The following ABCF2 variants were observed in gnomAD, a reference collection of about 807,000 sequenced individuals.
ABCF2 encodes ATP-binding cassette sub-family F member 2.
A neutral mutation model predicts 76.9 loss-of-function variants in ABCF2; 37 were observed. That is an observed-to-expected ratio of 0.48 (90% CI 0.37 to 0.63). The LOEUF (loss-of-function observed/expected upper bound fraction) is 0.63. Ranked by LOEUF, ABCF2 falls within the 30% of genes least tolerant of loss-of-function variation. The pLI is 0.00. For missense variants in ABCF2, 524 were observed against 782.1 expected (o/e 0.67, Z 3.94); for synonymous variants, 299 against 283.7 (o/e 1.05, Z -0.54).
At chr7:151,223,347 TAGC>T in intron 5 of ABCF2, among the ~76,000 whole-genome samples, 1 of 152,188 alleles carries the variant, frequency 6.6e-6, no homozygotes, top group Non-Finnish European at 1.5e-5. Context: ...CAGCTGGAAT[TAGC>T]AGGACTAGAG....
Position 151,221,090 on chromosome 7 carries a change from T to C in ABCF2, c.921+488A>G, listed in dbSNP as rs1056341604. Among the ~76,000 whole-genome samples, 8 of 152,256 alleles carry C rather than the reference T, an allele frequency of 5.3e-5. No individual in the cohort carries two copies. The East Asian group carries it at 1.5e-3, about 29-fold the overall frequency. Reference sequence around the variant, plus strand: ...CTTGTGTGCACAGGCTGCCAATCCATGGCCTATGGCCTGAAAGCAATGACT... The same window carrying C: ...CTTGTGTGCACAGGCTGCCAATCCACGGCCTATGGCCTGAAAGCAATGACT... On this transcript the variant is annotated intron_variant, in intron 7 of 14. Transcript: ENST00000287844.
At chr7:151,223,883 G>C (rs750366047) in intron 4 of ABCF2, 34 bp from the exon 5 acceptor site, 1 of 1,605,460 alleles carries the variant, frequency 6.2e-7, no homozygotes, top group Non-Finnish European at 8.5e-7. Flanking sequence ...GGCTCCTGGG[G>C]GCCTTTCTGG....
intron 5 of ABCF2, among the ~76,000 whole-genome samples, chr7:151,223,431 C>G (rs1342712920): frequency 6.6e-6 from 1 of 152,216 alleles, no homozygotes; most frequent in East Asian, 1.9e-4. Context: ...TTACCTAGGA[C>G]TACCCCTAGG....
At chr7:151,221,220 G>A (rs13239231) in intron 7 of ABCF2, among the ~76,000 whole-genome samples, 1 of 132,138 alleles carries the variant, frequency 7.6e-6, no homozygotes, top group South Asian at 2.3e-4. Context: ...TTTTTTTTGA[G>A]ATGGAGTCTT....
Position 151,214,817 on chromosome 7 carries a change from T to C in ABCF2, c.1734+62A>G, listed in dbSNP as rs554585116. On this transcript the variant is annotated intron_variant, in intron 14 of 14. Transcript: ENST00000287844. This position sits in a 1 kb window ranked among gnomAD's most constrained non-coding sequence, Gnocchi z 4.9. Reference sequence around the variant, plus strand: ...GGTATTATGCACCCTCCACATGCCATGACTACCCTACCCAACCCCCTAGAA... The same window carrying C: ...GGTATTATGCACCCTCCACATGCCACGACTACCCTACCCAACCCCCTAGAA... 5 of 1,536,680 alleles carry C rather than the reference T, an allele frequency of 3.3e-6. No individual in the cohort carries two copies. Among genetic ancestry groups the C allele is most frequent in the Admixed American group, 1.7e-5 (1 of 59,746 alleles).
chr7:151,224,671 T>A, intron 3 of ABCF2, 105 bp downstream of exon 3: 1 of 1,077,182 alleles, frequency 9.3e-7, no homozygotes. Flanking sequence ...CTCCCATCCC[T>A]ATTCTAAATG....
chr7:151,217,022 TAAA>T (rs1321116612), intron 11 of ABCF2, among the ~76,000 whole-genome samples: 1 of 152,194 alleles, frequency 6.6e-6, no homozygotes, highest in Non-Finnish European at 1.5e-5. Flanking sequence ...ACCACACAGT[TAAA>T]AAATAATCAC....
intron 11 of ABCF2, among the ~76,000 whole-genome samples, chr7:151,217,090 T>A (rs372809855): frequency 5.9e-5 from 9 of 152,318 alleles, no homozygotes; most frequent in African/African-American, 2.2e-4. Flanking sequence ...CTTTATGAAT[T>A]TTTCTTTTAC....
At chr7:151,221,503 T>G in intron 7 of ABCF2, 75 bp downstream of exon 7, 1 of 1,056,084 alleles carries the variant, frequency 9.5e-7, no homozygotes, top group Non-Finnish European at 1.4e-6. Flanking sequence ...CACCAGCCTT[T>G]TTTTTTTTTT....
chr7:151,211,576 T>C lies in ABCF2; in HGVS notation c.*2478A>G. On this transcript the variant is annotated 3_prime_UTR_variant, in exon 15 of 15. Coordinates refer to ENST00000287844, the MANE Select transcript of ABCF2 (RefSeq NM_007189.3). ...CTTGACAAATAAGCTGACTAGACTA[T>C]TTCCATTCCTCCAGGTTCTGAAGAT... is the stretch of plus-strand genomic sequence containing the variant. 1.0e-6 allele frequency: 1 copy of C among 985,410 alleles called. No homozygotes were observed. 61.0% of individuals were successfully genotyped at this position (985,410 alleles called of 1,614,324 possible).
At chr7:151,225,148 C>T (rs1158053652) in intron 2 of ABCF2, among the ~76,000 whole-genome samples, 160 bp from the exon 3 acceptor site, 1 of 152,222 alleles carries the variant, frequency 6.6e-6, no homozygotes, top group African/African-American at 2.4e-5. Context: ...CGACACCCTG[C>T]TTTCCTTTGT....
intron 7 of ABCF2, 49 bp from the exon 8 acceptor site, chr7:151,219,208 A>C (rs778141534): frequency 6.6e-7 from 1 of 1,522,176 alleles, no homozygotes; most frequent in Non-Finnish European, 9.1e-7. Context: ...CCTGGGTTTC[A>C]ATCCTGGATT....
In ABCF2 at chr7:151,214,532, G is replaced by A. The variant is rs1005618046; in HGVS notation, c.1735-341C>T. Among the ~76,000 whole-genome samples the A allele has an allele frequency of 1.3e-5, 2 of 152,140 alleles. No homozygotes were observed. The highest frequency in any genetic ancestry group is 2.9e-5 in the Non-Finnish European group (2 of 68,032). On this transcript the variant is annotated intron_variant, in intron 14 of 14. Transcript: ENST00000287844. This position sits in a 1 kb window ranked among gnomAD's most constrained non-coding sequence, Gnocchi z 4.9. ...CAACAACTTTTTCTCAAATGACTGT[G>A]GTAGCTGTCTAATCAAAATCCTCCT...
intron 3 of ABCF2, 86 bp downstream of exon 3, chr7:151,224,690 T>C: frequency 7.7e-7 from 1 of 1,299,918 alleles, no homozygotes. Context: ...TGCTTTGCTC[T>C]GAACACAGTT....
chr7:151,223,649 TG>T, intron 5 of ABCF2, 28 bp downstream of exon 5: 3 of 1,563,226 alleles, frequency 1.9e-6, no homozygotes, highest in Non-Finnish European at 2.6e-6. Flanking sequence ...GGGGGAGTTA[TG>T]GGGGTAGGGA....
At position 151,213,632 on chromosome 7, in the gene ABCF2, G is replaced by C. The variant is rs930162523; in HGVS notation, c.*422C>G. ...CCTGGTCCGGAGCTCCAAACCAGAA[G>C]CAAAAAGGAATCGGGGCGGTGGGCT... On this transcript the variant is annotated 3_prime_UTR_variant, in exon 15 of 15. Transcript: ENST00000287844. 1 of 997,524 alleles carries C rather than the reference G, an allele frequency of 1.0e-6. No homozygotes were observed. The highest frequency in any genetic ancestry group is 1.7e-5 in the African/African-American group (1 of 57,454). 61.8% of individuals were successfully genotyped at this position (997,524 alleles called of 1,614,324 possible). A position where few individuals can be genotyped will look rare whatever the true frequency, so the allele number is the denominator to read the frequency against.
In ABCF2 at chr7:151,215,766, T is replaced by TGGCA; in HGVS notation, c.1402-38_1402-35dup. 6.2e-7 allele frequency: 1 copy of TGGCA among 1,613,966 alleles called. No homozygotes were observed. The highest frequency in any genetic ancestry group is 8.5e-7 in the Non-Finnish European group (1 of 1,179,878). On this transcript the variant is annotated intron_variant, in intron 12 of 14. Coordinates refer to ENST00000287844, the MANE Select transcript of ABCF2 (RefSeq NM_007189.3). The surrounding 1 kb of genome is among the most constrained non-coding windows in gnomAD (Gnocchi z 4.6). ...AAAATGGAAGCCACCCGGGTGTGAC[T>TGGCA]GGCATCCCGCTTCAAAATAAACCCT...
intron 5 of ABCF2, 115 bp downstream of exon 5, chr7:151,223,563 A>T (rs1443135598): frequency 1.6e-6 from 2 of 1,218,642 alleles, no homozygotes; most frequent in Non-Finnish European, 2.3e-6. Context: ...GCAGATGTCC[A>T]TGTCTCATTT....
In ABCF2 at chr7:151,212,570, C is replaced by A. The variant is rs750038443; in HGVS notation, c.*1484G>T. 1.8e-5 allele frequency: 16 copies of A among 894,344 alleles called. No homozygotes were observed. Among genetic ancestry groups the A allele is most frequent in the Non-Finnish European group, 2.0e-5 (15 of 747,130 alleles). The allele number at this position is 894,344 out of a possible 1,614,324, so 55.4% of individuals were successfully genotyped here. A position where few individuals can be genotyped will look rare whatever the true frequency, so the allele number is the denominator to read the frequency against. On this transcript the variant is annotated 3_prime_UTR_variant, in exon 15 of 15. Coordinates refer to ENST00000287844, the MANE Select transcript of ABCF2 (RefSeq NM_007189.3). The stretch of plus-strand genomic sequence containing the variant: ...CTGGAGTGTAGCGGCACGCTCTGCT[C>A]ACTGCAGCCTCAACCTCCTGGGCTC...
Sources: allele counts gnomAD v4.1 joint callset (sites outside exome capture counted in the v4.1 genomes callset), GRCh38; gene constraint gnomAD v4.1.1; non-coding constraint Gnocchi (gnomAD v3.1); transcripts MANE v1.5; gene names NCBI Gene and HGNC (gene_info 2026-07-23, HGNC 2026-07-21).